PTPRO: variants seen among roughly 807,000 people sequenced by gnomAD.
PTPRO encodes receptor-type tyrosine-protein phosphatase O.
PTPRO carries 62 observed loss-of-function variants against 145.2 expected under a neutral mutation model. The observed-to-expected ratio is 0.43, with a 90% CI of 0.35 to 0.53. The LOEUF (loss-of-function observed/expected upper bound fraction) is 0.53, where lower values mean the gene tolerates loss of function less well. Ranked by LOEUF, PTPRO falls within the 20% of genes least tolerant of loss-of-function variation. The pLI is 0.01. For missense variants in PTPRO, 1,345 were observed against 1,482.7 expected (o/e 0.91, Z 1.53); for synonymous variants, 565 against 514.7 (o/e 1.10, Z -1.32).
intron 1 of PTPRO, chr12:15,440,210 A>G: frequency 1.5e-6 from 1 of 665,322 alleles, no homozygotes; most frequent in Non-Finnish European, 2.6e-6. Context: ...CAGGGGCTGC[A>G]CTGCCACCCT....
chr12:15,345,463 A>G (rs1337760597), intron 1 of PTPRO, among the ~76,000 whole-genome samples: 1 of 152,168 alleles, frequency 6.6e-6, no homozygotes, highest in Non-Finnish European at 1.5e-5. Context: ...TTGCAGGGAC[A>G]TGGATGAAGC....
intron 1 of PTPRO, among the ~76,000 whole-genome samples, chr12:15,335,397 TA>T (rs1321940709): frequency 6.6e-6 from 1 of 152,124 alleles, no homozygotes; most frequent in East Asian, 1.9e-4. Flanking sequence ...AAAAGGTTTT[TA>T]TGAAATGCAT....
At chr12:15,489,758 G>A (rs1353534704) in intron 2 of PTPRO, among the ~76,000 whole-genome samples, 1 of 152,126 alleles carries the variant, frequency 6.6e-6, no homozygotes, top group Non-Finnish European at 1.5e-5. Flanking sequence ...GGGTTGCCCT[G>A]TTCAAATGCC....
At chr12:15,362,863 T>C (rs1591743254) in intron 1 of PTPRO, among the ~76,000 whole-genome samples, 1 of 152,234 alleles carries the variant, frequency 6.6e-6, no homozygotes, top group African/African-American at 2.4e-5. Context: ...CTAAGTTAAG[T>C]GTTCTTGCTG....
Position 15,560,238 on chromosome 12 carries a change from T to A in PTPRO, c.2673T>A (p.Leu891=). The change falls in exon 17 of 27, where the codon CTT becomes CTA. Residue 891 remains leucine (L), a synonymous_variant. Transcript: ENST00000281171. ...TCTTAACCCTGCTACCCTCATGTCT[T>A]TGGACTGATTATCTTTTGGCATTTT... ...FAFLTLLPSC[L]WTDYLLAFYI... is the part of the protein sequence containing the mutation. 6.3e-7 allele frequency: 1 copy of A among 1,595,680 alleles called. No individual in the cohort carries two copies.
At chr12:15,437,280 C>T (rs570019585) in intron 1 of PTPRO, among the ~76,000 whole-genome samples, 1 of 152,046 alleles carries the variant, frequency 6.6e-6, no homozygotes, top group African/African-American at 2.4e-5. Flanking sequence ...TTCAGAGCGC[C>T]TGCTTGCTTA....
At chr12:15,326,388 A>G (rs1455609941) in intron 1 of PTPRO, among the ~76,000 whole-genome samples, 2 of 152,194 alleles carry the variant, frequency 1.3e-5, no homozygotes, top group Non-Finnish European at 2.9e-5. Context: ...GCTTCTACAG[A>G]TGATCGAGTA....
chr12:15,366,639 T>G (rs1938370158), intron 1 of PTPRO, among the ~76,000 whole-genome samples: 1 of 152,192 alleles, frequency 6.6e-6, no homozygotes. Context: ...ATATTAATAC[T>G]TATTTTTGAG....
At chr12:15,427,597 T>C (rs1940318826) in intron 1 of PTPRO, among the ~76,000 whole-genome samples, 1 of 151,800 alleles carries the variant, frequency 6.6e-6, no homozygotes, top group Non-Finnish European at 1.5e-5. Context: ...TGTCTCATTA[T>C]GGATATGTAC....
intron 25 of PTPRO, among the ~76,000 whole-genome samples, chr12:15,590,242 T>C (rs1944518258): frequency 6.6e-6 from 1 of 152,144 alleles, no homozygotes. Context: ...ATGCACTTAG[T>C]CTGGAGCGAC....
chr12:15,559,711 C>G (rs914985636), intron 16 of PTPRO, among the ~76,000 whole-genome samples: 1 of 152,120 alleles, frequency 6.6e-6, no homozygotes. Flanking sequence ...TTAAGAATGT[C>G]TCTTAAAAGC....
At chr12:15,440,266 C>T (rs1940724798) in intron 1 of PTPRO, 3 of 607,758 alleles carry the variant, frequency 4.9e-6, no homozygotes, top group Admixed American at 5.0e-5. Flanking sequence ...CTAAGACCTA[C>T]AGCTACCTGA....
At chr12:15,369,221 G>A (rs59468998) in intron 1 of PTPRO, among the ~76,000 whole-genome samples, 25,616 of 152,100 alleles carry the variant, frequency 0.17, 5,118 homozygotes, top group African/African-American at 0.48. Flanking sequence ...AAGAAGGAAC[G>A]ATTTCTTTGA....
chr12:15,557,780 G>T (rs1028041932), intron 16 of PTPRO, among the ~76,000 whole-genome samples: 5 of 152,094 alleles, frequency 3.3e-5, no homozygotes, highest in Non-Finnish European at 7.4e-5. Context: ...TGGTGCACAC[G>T]CAGGAGCCCA....
chr12:15,418,269 T>C (rs1420557408), intron 1 of PTPRO, among the ~76,000 whole-genome samples: 1 of 151,750 alleles, frequency 6.6e-6, no homozygotes, highest in Non-Finnish European at 1.5e-5. Flanking sequence ...GCCCTACATA[T>C]TAGAGCACAA....
chr12:15,475,038 A>G (rs1223674094), intron 1 of PTPRO, among the ~76,000 whole-genome samples: 1 of 152,236 alleles, frequency 6.6e-6, no homozygotes, highest in Non-Finnish European at 1.5e-5. Flanking sequence ...TGATACAATC[A>G]TCCCCAAAGC....
At position 15,559,614 on chromosome 12, in the gene PTPRO, C is replaced by A. The variant is rs924230812; in HGVS notation, c.2628-579C>A. ...TGAATGAATGATATCCTTGTATCAT[C>A]CATACCTCTGTTTTAAGGGTTATAT... On this transcript the variant is annotated intron_variant, in intron 16 of 26. Transcript: ENST00000281171. 3.9e-5 allele frequency among the ~76,000 whole-genome samples: 6 copies of A among 152,076 alleles called. No individual in the cohort carries two copies. In the South Asian group the frequency reaches 1.2e-3, roughly 32 times the overall value.
At position 15,546,592 on chromosome 12, in the gene PTPRO, T is replaced by C; in HGVS notation, c.2188T>C (p.Phe730Leu). 1 of 1,611,112 alleles carries C rather than the reference T, an allele frequency of 6.2e-7. No individual in the cohort carries two copies. The highest frequency in any genetic ancestry group is 8.5e-7 in the Non-Finnish European group (1 of 1,178,380). ...KLEPAPPKSL[F>L]AVNKTQTSVT... ...AGAACCAGCTCCACCCAAATCACTC[T>C]TCGCAGTGAACAAAACCCAGACTTC... Residue 730 changes from phenylalanine to leucine, a missense_variant, in exon 13 of 27, where the codon TTC (phenylalanine) becomes CTC (leucine). Around this residue, in one of 3 missense-constraint regions of PTPRO, gnomAD observed 1,130 missense variants for 1,214.7 expected, o/e 0.93. Coordinates refer to ENST00000281171, the MANE Select transcript of PTPRO (RefSeq NM_030667.3).
chr12:15,524,736 T>C, intron 10 of PTPRO, 78 bp from the exon 11 acceptor site: 1 of 1,469,620 alleles, frequency 6.8e-7, no homozygotes, highest in Non-Finnish European at 9.5e-7. Flanking sequence ...TGACTCTATA[T>C]GGGATTTCAT....
Sources: gnomAD v4.1 joint callset for allele counts (sites outside exome capture counted in the v4.1 genomes callset) on GRCh38, gnomAD v4.1.1 for gene constraint, gnomAD v4.1.1 regional missense constraint, MANE v1.5 for transcripts, NCBI Gene and HGNC (gene_info 2026-07-23, HGNC 2026-07-21) for gene names.